TMEM217B: variants seen among roughly 807,000 people sequenced by gnomAD.
TMEM217B encodes the protein transmembrane protein 217B.
At chr6:37,222,962 T>C in the TMEM217B span, among the ~76,000 whole-genome samples, 1 of 152,090 alleles carries the variant, frequency 6.6e-6, no homozygotes. Flanking sequence ...TTTCTAGAGA[T>C]GAAAAACTCA....
chr6:37,228,288 G>A, the TMEM217B span, among the ~76,000 whole-genome samples: 3 of 152,340 alleles, frequency 2.0e-5, no homozygotes, highest in African/African-American at 7.2e-5. Context: ...GTAGCAATTA[G>A]GACAGTGTCC....
At chr6:37,254,086 T>C in the TMEM217B span, among the ~76,000 whole-genome samples, 2 of 152,198 alleles carry the variant, frequency 1.3e-5, no homozygotes, top group African/African-American at 2.4e-5. Context: ...GGCCATACTG[T>C]ATTAGTAACA....
At chr6:37,220,583 A>C in the TMEM217B span, among the ~76,000 whole-genome samples, 2 of 152,104 alleles carry the variant, frequency 1.3e-5, no homozygotes, top group Admixed American at 1.3e-4. Flanking sequence ...TATTACATGA[A>C]GTATTTTTTT....
At chr6:37,226,174 C>G in the TMEM217B span, among the ~76,000 whole-genome samples, 1 of 151,068 alleles carries the variant, frequency 6.6e-6, no homozygotes, top group Non-Finnish European at 1.5e-5. Flanking sequence ...TTCACTGAGT[C>G]TATGCTTATT....
the TMEM217B span, among the ~76,000 whole-genome samples, chr6:37,229,335 G>GTTTTGT: frequency 2.7e-5 from 2 of 74,368 alleles, no homozygotes; most frequent in African/African-American, 5.3e-5. Context: ...GCAACTTTCA[G>GTTTTGT]TTTTTTTTTT....
chr6:37,236,893 C>A, the TMEM217B span, among the ~76,000 whole-genome samples: 2 of 152,100 alleles, frequency 1.3e-5, no homozygotes, highest in Non-Finnish European at 2.9e-5. Context: ...AGATGCCTGG[C>A]GATTGCTCTT....
At chr6:37,241,457 G>A in the TMEM217B span, among the ~76,000 whole-genome samples, 12 of 152,120 alleles carry the variant, frequency 7.9e-5, no homozygotes. Flanking sequence ...GAGCACTAGG[G>A]ATTCTGTCTT....
chr6:37,246,348 C>T, the TMEM217B span, among the ~76,000 whole-genome samples: 1 of 152,166 alleles, frequency 6.6e-6, no homozygotes, highest in Non-Finnish European at 1.5e-5. Context: ...CTGTTATCTT[C>T]CTTGGGCCAG....
At chr6:37,213,609 A>G in the TMEM217B span, among the ~76,000 whole-genome samples, 2 of 152,244 alleles carry the variant, frequency 1.3e-5, no homozygotes, top group African/African-American at 4.8e-5. Flanking sequence ...ATAAGCCACC[A>G]TTGTGCAGGT....
At chr6:37,216,142 A>G in the TMEM217B span, among the ~76,000 whole-genome samples, 18 of 152,026 alleles carry the variant, frequency 1.2e-4, no homozygotes, top group African/African-American at 4.3e-4. Flanking sequence ...GCAGTGGTGC[A>G]ATTATGGCTC....
At chr6:37,237,032 G>C in the TMEM217B span, among the ~76,000 whole-genome samples, 1 of 152,166 alleles carries the variant, frequency 6.6e-6, no homozygotes, top group Non-Finnish European at 1.5e-5. Context: ...AAAAGAGCAA[G>C]CCAGATGGAA....
chr6:37,241,658 G>A, the TMEM217B span, among the ~76,000 whole-genome samples: 1 of 152,172 alleles, frequency 6.6e-6, no homozygotes, highest in Non-Finnish European at 1.5e-5. Context: ...GGGATCCCCA[G>A]TGATAAGAGA....
the TMEM217B span, among the ~76,000 whole-genome samples, chr6:37,252,599 GTGTGTGTGTA>G: frequency 3.3e-4 from 15 of 45,388 alleles, no homozygotes; most frequent in Admixed American, 4.5e-4. Context: ...ATGTGTGTGT[GTGTGTGTGTA>G]TGTGTGTGTA....
the TMEM217B span, among the ~76,000 whole-genome samples, chr6:37,234,490 T>C: frequency 6.6e-6 from 1 of 152,184 alleles, no homozygotes; most frequent in African/African-American, 2.4e-5. Flanking sequence ...CCTGTGCTTA[T>C]GAAGTTGTAA....
the TMEM217B span, among the ~76,000 whole-genome samples, chr6:37,214,198 T>C: frequency 2.0e-5 from 3 of 152,234 alleles, no homozygotes; most frequent in African/African-American, 7.2e-5. Flanking sequence ...CGTGCAAGCA[T>C]ATCGCTATCC....
At chr6:37,241,415 C>T in the TMEM217B span, among the ~76,000 whole-genome samples, 5 of 152,302 alleles carry the variant, frequency 3.3e-5, 1 homozygote, top group South Asian at 1.0e-3. Context: ...AGCGACATCT[C>T]AGCATTGTAC....
chr6:37,249,366 T>C, the TMEM217B span, among the ~76,000 whole-genome samples: 1 of 152,160 alleles, frequency 6.6e-6, no homozygotes, highest in Non-Finnish European at 1.5e-5. Flanking sequence ...GTTGCCTACG[T>C]TGGAGTGCAG....
At chr6:37,217,836 A>C in the TMEM217B span, 3 of 985,488 alleles carry the variant, frequency 3.0e-6, no homozygotes, top group Non-Finnish European at 3.6e-6. Flanking sequence ...TGCCAAGAAA[A>C]AAGGATTGCC....
the TMEM217B span, among the ~76,000 whole-genome samples, chr6:37,252,832 G>A: frequency 6.6e-6 from 1 of 151,424 alleles, no homozygotes; most frequent in Non-Finnish European, 1.5e-5. Flanking sequence ...TAGAGATGGG[G>A]TTTTGTCATG....
Sources: allele counts gnomAD v4.1 joint callset (sites outside exome capture counted in the v4.1 genomes callset), GRCh38; gene constraint gnomAD v4.1.1; transcripts MANE v1.5; gene names NCBI Gene and HGNC (gene_info 2026-07-23, HGNC 2026-07-21).